Variants in THRB observed in about 807,000 individuals in gnomAD.
THRB encodes thyroid hormone receptor beta.
In THRB, 12 loss-of-function variants were observed where a neutral mutation model predicts 47.8. That is an observed-to-expected ratio of 0.25 (90% CI 0.16 to 0.41). The LOEUF (loss-of-function observed/expected upper bound fraction) is 0.41, where lower values mean the gene tolerates loss of function less well. Among genes scored for constraint, THRB ranks in the 10% least tolerant of loss-of-function variants. The probability of loss-of-function intolerance (pLI) is 1.00; values close to 1 mark genes in which losing one functional copy is unlikely to be tolerated. For missense variants in THRB, 348 were observed against 589.2 expected (o/e 0.59, Z 4.24); for synonymous variants, 218 against 212.2 (o/e 1.03, Z -0.24).
At chr3:24,218,083 C>T (rs894396336) in intron 4 of THRB, among the ~76,000 whole-genome samples, 1 of 151,776 alleles carries the variant, frequency 6.6e-6, no homozygotes, top group East Asian at 1.9e-4. Context: ...TGGCTAATAC[C>T]GTGAAACCTC....
At chr3:24,168,488 A>AT (rs1217437118) in intron 5 of THRB, among the ~76,000 whole-genome samples, 7,410 of 129,376 alleles carry the variant, frequency 0.057, 304 homozygotes, top group African/African-American at 0.065. Flanking sequence ...GTTTCAATCA[A>AT]TAATATATAT....
intron 2 of THRB, among the ~76,000 whole-genome samples, chr3:24,321,047 T>C (rs2058451365): frequency 6.6e-6 from 1 of 152,216 alleles, no homozygotes; most frequent in South Asian, 2.1e-4. Flanking sequence ...CAGGTGTATC[T>C]TCTGGCAAAC....
chr3:24,194,276 TAAAA>T (rs947795457), intron 4 of THRB, among the ~76,000 whole-genome samples: 1 of 152,026 alleles, frequency 6.6e-6, no homozygotes, highest in Non-Finnish European at 1.5e-5. Flanking sequence ...TTGAAATAAA[TAAAA>T]AATTAAAAAT....
chr3:24,276,033 G>C (rs1326333612), intron 3 of THRB, among the ~76,000 whole-genome samples: 1 of 151,040 alleles, frequency 6.6e-6, no homozygotes, highest in Non-Finnish European at 1.5e-5. Flanking sequence ...TCTCCCTGCA[G>C]TCTTCTACTT....
chr3:24,482,538 CCTCTCTCTCTCT>C (rs10575358), intron 1 of THRB, among the ~76,000 whole-genome samples: 22 of 130,986 alleles, frequency 1.7e-4, no homozygotes, highest in South Asian at 1.1e-3. Context: ...TTTCTGTCTC[CCTCTCTCTCTCT>C]CTCTCTCTCT....
chr3:24,383,270 TCTAA>T (rs1207268668), intron 1 of THRB, among the ~76,000 whole-genome samples: 3 of 152,088 alleles, frequency 2.0e-5, no homozygotes, highest in African/African-American at 4.8e-5. Flanking sequence ...TCCCCATTTA[TCTAA>T]CTATTTACCT....
rs1218006171 is a variant in THRB, at chr3:24,279,909, G to C, written c.-43+17317C>G. Among the ~76,000 whole-genome samples the C allele has an allele frequency of 2.0e-5, 3 of 152,084 alleles. 1 individual carries two copies. The highest frequency in any genetic ancestry group is 2.0e-4 in the Admixed American group (3 of 15,260). ...CCCAAAGGTCTAGGGATAAAGCTCT[G>C]CTTCAGTAGAATTAGTTTCCTTTGT... On this transcript the variant is annotated intron_variant, in intron 3 of 10. Coordinates refer to ENST00000646209, the MANE Select transcript of THRB (RefSeq NM_001354712.2).
chr3:24,404,870 A>T (rs995514551), intron 1 of THRB, among the ~76,000 whole-genome samples: 1 of 151,756 alleles, frequency 6.6e-6, no homozygotes, highest in African/African-American at 2.4e-5. Flanking sequence ...CTAATTAATT[A>T]ATTTCTTATT....
intron 4 of THRB, among the ~76,000 whole-genome samples, chr3:24,226,369 A>ACATT (rs1387620841): frequency 6.6e-6 from 1 of 152,234 alleles, no homozygotes; most frequent in Non-Finnish European, 1.5e-5. Flanking sequence ...AGGGAAAAGA[A>ACATT]CATTGTTTTA....
intron 3 of THRB, among the ~76,000 whole-genome samples, chr3:24,262,388 C>T (rs1056760804): frequency 1.8e-4 from 27 of 152,180 alleles, no homozygotes; most frequent in African/African-American, 6.3e-4. Context: ...CATGACTCCA[C>T]AGGGCAAATT....
chr3:24,196,698 C>T (rs1319998568), intron 4 of THRB, among the ~76,000 whole-genome samples: 1 of 152,170 alleles, frequency 6.6e-6, no homozygotes, highest in African/African-American at 2.4e-5. Flanking sequence ...AAAGAGGATG[C>T]CTGGAAAGCA....
intron 5 of THRB, among the ~76,000 whole-genome samples, chr3:24,175,430 T>C (rs971224452): frequency 5.3e-5 from 8 of 152,192 alleles, no homozygotes; most frequent in Non-Finnish European, 1.2e-4. Flanking sequence ...TCATAAAGTC[T>C]TCTTGTGCTT....
intron 1 of THRB, among the ~76,000 whole-genome samples, chr3:24,444,760 T>C (rs1342450640): frequency 6.6e-6 from 1 of 152,116 alleles, no homozygotes; most frequent in Non-Finnish European, 1.5e-5. Context: ...TAATTTTGTA[T>C]TTTTAGTGGA....
intron 5 of THRB, among the ~76,000 whole-genome samples, chr3:24,172,912 C>T (rs535954755): frequency 6.6e-6 from 1 of 152,292 alleles, no homozygotes; most frequent in South Asian, 2.1e-4. Flanking sequence ...AAAGATACCA[C>T]AAACTTAGCT....
chr3:24,177,991 TA>T (rs1451282291), intron 5 of THRB, among the ~76,000 whole-genome samples: 2 of 152,156 alleles, frequency 1.3e-5, no homozygotes, highest in Non-Finnish European at 2.9e-5. Flanking sequence ...TTGCCCCTAT[TA>T]TGGAGAAAGG....
intron 1 of THRB, among the ~76,000 whole-genome samples, chr3:24,357,075 G>A (rs1437993763): frequency 1.3e-5 from 2 of 150,720 alleles, no homozygotes; most frequent in African/African-American, 4.9e-5. Context: ...AAATGTAAAG[G>A]CTCTTATTTA....
intron 6 of THRB, among the ~76,000 whole-genome samples, chr3:24,151,633 T>C (rs191071094): frequency 2.7e-4 from 41 of 152,316 alleles, no homozygotes; most frequent in South Asian, 6.2e-4. Flanking sequence ...TTTTCCTTTA[T>C]GGTAGATTTC....
In THRB at chr3:24,389,428, T is replaced by C. The variant is rs796729724; in HGVS notation, c.-260-52057A>G. Among the ~76,000 whole-genome samples the C allele has an allele frequency of 3.9e-5, 6 of 152,188 alleles. No individual in the cohort carries two copies. The South Asian group carries it at 1.2e-3, about 32-fold the overall frequency. ...TAAACTATTGTTAGACAGAATAATA[T>C]GTGACTGCTGACATTTCACCTTTTA... is the stretch of plus-strand genomic sequence containing the variant. On this transcript the variant is annotated intron_variant, in intron 1 of 10. Transcript: ENST00000646209.
intron 4 of THRB, among the ~76,000 whole-genome samples, chr3:24,205,990 G>A (rs12635846): frequency 6.6e-6 from 1 of 152,066 alleles, no homozygotes; most frequent in Non-Finnish European, 1.5e-5. Context: ...GGAGCACCCA[G>A]ATTCACAAAG....
Sources: gnomAD v4.1 joint callset for allele counts (sites outside exome capture counted in the v4.1 genomes callset) on GRCh38, gnomAD v4.1.1 for gene constraint, MANE v1.5 for transcripts, NCBI Gene and HGNC (gene_info 2026-07-23, HGNC 2026-07-21) for gene names.